Variants in GALNTL6 observed in about 807,000 individuals in gnomAD.
GALNTL6 encodes polypeptide N-acetylgalactosaminyltransferase like 6, also known as polypeptide N-acetylgalactosaminyltransferase-like 6.
In GALNTL6, 46 loss-of-function variants were observed where a neutral mutation model predicts 73.7. The ratio of observed to expected loss-of-function variants is 0.62; its 90% CI spans 0.49 to 0.80. The LOEUF (loss-of-function observed/expected upper bound fraction) is 0.80, where lower values mean the gene tolerates loss of function less well. GALNTL6 is among the 30% of genes least tolerant of loss of function. The probability of loss-of-function intolerance (pLI) is 0.00; values close to 1 mark genes in which losing one functional copy is unlikely to be tolerated. For missense variants in GALNTL6, 604 were observed against 755.0 expected, an observed-to-expected ratio of 0.80 and a Z score of 2.34; for synonymous variants, 259 against 263.7, an observed-to-expected ratio of 0.98 and a Z score of 0.17.
chr4:172,672,000 C>A lies in GALNTL6; in HGVS notation c.554-137361C>A, dbSNP rs1039059256. On this transcript the variant is annotated intron_variant, in intron 5 of 12. Transcript: ENST00000506823. ...CCGCATCCCAGGTTCAAGTAATTCT[C>A]ATGCATCAGTCTCCTGAGTAGCTAG... 3.3e-5 allele frequency among the ~76,000 whole-genome samples: 5 copies of A among 152,174 alleles called. No homozygotes were observed. In the East Asian group the frequency reaches 9.7e-4, roughly 29 times the overall value.
chr4:172,992,054 ACCCTCT>A (rs1561074175), intron 10 of GALNTL6, among the ~76,000 whole-genome samples: 7 of 152,196 alleles, frequency 4.6e-5, no homozygotes, highest in Non-Finnish European at 1.0e-4. Context: ...CAATTCCTAA[ACCCTCT>A]AAGCTAGACC....
intron 2 of GALNTL6, among the ~76,000 whole-genome samples, chr4:172,018,814 C>T (rs1233593932): frequency 6.6e-6 from 1 of 152,098 alleles, no homozygotes; most frequent in African/African-American, 2.4e-5. Flanking sequence ...CCTGTGACCC[C>T]TACTTAATTG....
chr4:172,552,871 A>G (rs995092620), intron 5 of GALNTL6, among the ~76,000 whole-genome samples: 4 of 149,762 alleles, frequency 2.7e-5, no homozygotes, highest in African/African-American at 9.8e-5. Context: ...AAAAACCGCA[A>G]TTACTTTTGC....
intron 5 of GALNTL6, among the ~76,000 whole-genome samples, chr4:172,689,980 A>G (rs1297491339): frequency 1.3e-5 from 2 of 152,216 alleles, no homozygotes; most frequent in Admixed American, 6.5e-5. Flanking sequence ...AAAAATTACA[A>G]ATTAACTTCA....
intron 2 of GALNTL6, among the ~76,000 whole-genome samples, chr4:172,164,858 T>C (rs1002937613): frequency 2.0e-5 from 3 of 152,096 alleles, no homozygotes; most frequent in African/African-American, 7.2e-5. Flanking sequence ...AGAATTCATC[T>C]TCCAGGAAAA....
chr4:172,908,232 G>A (rs1747009643), intron 8 of GALNTL6, among the ~76,000 whole-genome samples: 1 of 152,092 alleles, frequency 6.6e-6, no homozygotes, highest in African/African-American at 2.4e-5. Flanking sequence ...GACTGTGCTT[G>A]GCCACAGGTA....
intron 3 of GALNTL6, among the ~76,000 whole-genome samples, chr4:172,269,447 C>T (rs554498715): frequency 8.5e-5 from 13 of 152,218 alleles, no homozygotes; most frequent in East Asian, 1.9e-4. Flanking sequence ...GCAGTGACCA[C>T]GGCAAATAGG....
intron 2 of GALNTL6, among the ~76,000 whole-genome samples, chr4:172,115,945 T>C (rs749915287): frequency 1.3e-5 from 2 of 152,024 alleles, no homozygotes; most frequent in Non-Finnish European, 2.9e-5. Flanking sequence ...TCTAAATATT[T>C]AGCTCTTACA....
rs562185127 is a variant in GALNTL6, at chr4:171,968,802, C to A, written c.138+154084C>A. On this transcript the variant is annotated intron_variant, in intron 2 of 12. Transcript: ENST00000506823. ...AGACTTGTATGATGTTCCACCTTCG[C>A]AATCGCCCTCCCTTGTTCTATTTTT... 1.2e-4 allele frequency among the ~76,000 whole-genome samples: 18 copies of A among 144,750 alleles called. No homozygotes were observed. In the South Asian group the frequency reaches 4.3e-3, roughly 34 times the overall value. 95.0% of individuals were successfully genotyped at this position (144,750 alleles called of 152,430 possible).
intron 5 of GALNTL6, among the ~76,000 whole-genome samples, chr4:172,808,606 T>A (rs1453420882): frequency 6.6e-6 from 1 of 152,196 alleles, no homozygotes; most frequent in Non-Finnish European, 1.5e-5. Flanking sequence ...TTTGACATAA[T>A]AAGAACTGAG....
intron 7 of GALNTL6, among the ~76,000 whole-genome samples, chr4:172,837,461 G>T (rs1742969369): frequency 6.6e-6 from 1 of 151,964 alleles, no homozygotes; most frequent in Non-Finnish European, 1.5e-5. Flanking sequence ...AAAAAACAGT[G>T]AACAAATGTA....
intron 10 of GALNTL6, among the ~76,000 whole-genome samples, chr4:173,006,543 A>G (rs1752302930): frequency 6.6e-6 from 1 of 152,228 alleles, no homozygotes; most frequent in Admixed American, 6.5e-5. Flanking sequence ...TGATTTTACA[A>G]AACGTGTATT....
chr4:172,681,354 A>C (rs1031988951), intron 5 of GALNTL6, among the ~76,000 whole-genome samples: 5 of 152,108 alleles, frequency 3.3e-5, no homozygotes, highest in African/African-American at 1.2e-4. Context: ...ACTTCATATC[A>C]CTTTATACAA....
intron 7 of GALNTL6, among the ~76,000 whole-genome samples, chr4:172,877,277 C>T (rs1745239465): frequency 6.6e-6 from 1 of 151,938 alleles, no homozygotes; most frequent in South Asian, 2.1e-4. Context: ...AGAAAGTAGG[C>T]AAGAATAAGC....
rs114841601 is a variant in GALNTL6 at position 172,669,056 on chromosome 4, A to C, written c.554-140305A>C. ...AGTTCTGTAATATAGATATTGGAAC[A>C]TTAAAATGATCTGAGGTATTGACTT... On this transcript the variant is annotated intron_variant, in intron 5 of 12. Transcript: ENST00000506823. The C allele has an allele frequency of 1.2e-3, 188 of 152,340 alleles. 1 individual carries two copies. Among genetic ancestry groups the C allele is most frequent in the African/African-American group, 4.3e-3 (178 of 41,578 alleles). The allele number at this position is 152,340 out of a possible 1,614,324, so 9.4% of individuals were successfully genotyped here. A position where few individuals can be genotyped will look rare whatever the true frequency, so the allele number is the denominator to read the frequency against.
At chr4:172,152,643 C>T (rs1160069956) in intron 2 of GALNTL6, among the ~76,000 whole-genome samples, 1 of 152,212 alleles carries the variant, frequency 6.6e-6, no homozygotes, top group African/African-American at 2.4e-5. Context: ...GGGTTGAGCT[C>T]TGACGCTGAG....
At chr4:172,928,014 A>G (rs1748147050) in intron 8 of GALNTL6, among the ~76,000 whole-genome samples, 2 of 152,222 alleles carry the variant, frequency 1.3e-5, no homozygotes, top group Non-Finnish European at 2.9e-5. Flanking sequence ...TCCCACATAC[A>G]TTATCTTAGA....
intron 5 of GALNTL6, among the ~76,000 whole-genome samples, chr4:172,648,430 TAGTC>T (rs1268321189): frequency 6.6e-6 from 1 of 152,162 alleles, no homozygotes; most frequent in Non-Finnish European, 1.5e-5. Context: ...TATTAGTTAG[TAGTC>T]AGTTTATAGA....
chr4:172,440,298 G>A (rs1350146782), intron 5 of GALNTL6, among the ~76,000 whole-genome samples: 2 of 151,974 alleles, frequency 1.3e-5, no homozygotes, highest in African/African-American at 2.4e-5. Flanking sequence ...ATATTATTCG[G>A]TGCTAAAAAG....
Sources: gnomAD v4.1 joint callset for allele counts (sites outside exome capture counted in the v4.1 genomes callset) on GRCh38, gnomAD v4.1.1 for gene constraint, MANE v1.5 for transcripts, NCBI Gene and HGNC (gene_info 2026-07-23, HGNC 2026-07-21) for gene names.